RBFOX1: variants seen among roughly 807,000 people sequenced by gnomAD.
The protein encoded by RBFOX1 is RNA binding fox-1 homolog 1.
Under a neutral mutation model 57.7 loss-of-function variants are expected in RBFOX1, and 8 were observed. The observed-to-expected ratio is 0.14, with a 90% CI of 0.08 to 0.25. The LOEUF (loss-of-function observed/expected upper bound fraction) is 0.25, where lower values mean the gene tolerates loss of function less well. RBFOX1 is among the 10% of genes least tolerant of loss of function. The probability of loss-of-function intolerance (pLI) is 1.00; values close to 1 mark genes in which losing one functional copy is unlikely to be tolerated. For synonymous variants in RBFOX1, 326 were observed against 222.4 expected (o/e 1.47, Z -4.15); for missense variants, 611 against 548.5 (o/e 1.11, Z -1.14).
intron 3 of RBFOX1, among the ~76,000 whole-genome samples, chr16:6,811,837 C>T (rs1210841413): frequency 5.9e-5 from 9 of 151,974 alleles, no homozygotes; most frequent in African/African-American, 1.2e-4. Context: ...TACAGTGAGC[C>T]GAGATTGTGC....
intron 3 of RBFOX1, among the ~76,000 whole-genome samples, chr16:5,827,973 C>G (rs1033619166): frequency 7.1e-5 from 10 of 141,568 alleles, no homozygotes; most frequent in South Asian, 2.4e-4. Context: ...ATGCATCCAT[C>G]CATGCATTCC....
chr16:5,555,451 A>G (rs2045632264), intron 2 of RBFOX1, among the ~76,000 whole-genome samples: 1 of 151,748 alleles, frequency 6.6e-6, no homozygotes, highest in Middle Eastern at 3.4e-3. Context: ...CGGTTTCGCC[A>G]TCTTGACCAG....
intron 4 of RBFOX1, among the ~76,000 whole-genome samples, chr16:7,326,451 G>C (rs1418791669): frequency 6.6e-6 from 1 of 152,146 alleles, no homozygotes; most frequent in East Asian, 1.9e-4. Flanking sequence ...CATCTGTATG[G>C]GGTGTTGGTG....
At chr16:5,925,065 A>G (rs759718362) in intron 4 of RBFOX1, among the ~76,000 whole-genome samples, 5 of 152,134 alleles carry the variant, frequency 3.3e-5, no homozygotes, top group Non-Finnish European at 7.4e-5. Flanking sequence ...CTGGTCATCC[A>G]TACTTTCCCA....
At chr16:5,272,171 A>G (rs1412356751) in intron 1 of RBFOX1, among the ~76,000 whole-genome samples, 1 of 152,208 alleles carries the variant, frequency 6.6e-6, no homozygotes, top group Non-Finnish European at 1.5e-5. Context: ...CAGCGTGACT[A>G]TAGTCAATAA....
chr16:6,301,374 A>C (rs1599380472), intron 1 of RBFOX1, among the ~76,000 whole-genome samples: 1 of 152,084 alleles, frequency 6.6e-6, no homozygotes, highest in African/African-American at 2.4e-5. Flanking sequence ...ATTTTGCCTT[A>C]TTAGGATTAA....
chr16:5,378,777 C>G (rs148886573), intron 1 of RBFOX1, among the ~76,000 whole-genome samples: 2 of 151,718 alleles, frequency 1.3e-5, no homozygotes, highest in African/African-American at 4.9e-5. Flanking sequence ...ATGCTAATGC[C>G]CATCTCATCC....
At chr16:7,198,652 G>A (rs1291543054) in intron 4 of RBFOX1, among the ~76,000 whole-genome samples, 2 of 152,102 alleles carry the variant, frequency 1.3e-5, no homozygotes, top group African/African-American at 4.8e-5. Flanking sequence ...ATGGTGGAAG[G>A]GCAAGAGGGA....
At chr16:6,285,260 T>A (rs757603299) in intron 1 of RBFOX1, among the ~76,000 whole-genome samples, 4 of 152,174 alleles carry the variant, frequency 2.6e-5, no homozygotes, top group Non-Finnish European at 5.9e-5. Flanking sequence ...AGATTCTGCA[T>A]AAGCCTCCAT....
chr16:5,870,357 G>C (rs868436428), intron 4 of RBFOX1, among the ~76,000 whole-genome samples: 65 of 134,422 alleles, frequency 4.8e-4, no homozygotes, highest in African/African-American at 1.8e-3. Context: ...CATCTTACAG[G>C]TTGTAATTTG....
At chr16:6,283,608 G>C (rs572736453) in intron 1 of RBFOX1, among the ~76,000 whole-genome samples, 1 of 152,226 alleles carries the variant, frequency 6.6e-6, no homozygotes, top group East Asian at 1.9e-4. Context: ...AAATGGGAAA[G>C]GATGCCTAAC....
Position 7,699,934 on chromosome 16 carries a change from G to C in RBFOX1, c.996-9122G>C, listed in dbSNP as rs889761028. Among the ~76,000 whole-genome samples the C allele has an allele frequency of 4.6e-5, 7 of 152,094 alleles. No individual in the cohort carries two copies. In the East Asian group the frequency reaches 1.4e-3, roughly 29 times the overall value. The stretch of plus-strand genomic sequence containing the variant: ...GATGTTCACCAGGAGTTAAAATGTT[G>C]TGACAGATAATCTGGACATTGTCAG... On this transcript the variant is annotated intron_variant, in intron 14 of 15. Transcript: ENST00000550418.
intron 1 of RBFOX1, among the ~76,000 whole-genome samples, chr16:6,124,590 C>T (rs1338354447): frequency 1.3e-5 from 2 of 152,070 alleles, no homozygotes; most frequent in Non-Finnish European, 2.9e-5. Context: ...TAAACCTCCA[C>T]CTCCCAGGTT....
intron 2 of RBFOX1, among the ~76,000 whole-genome samples, chr16:6,526,612 C>T (rs570457326): frequency 3.3e-5 from 5 of 151,744 alleles, no homozygotes; most frequent in Non-Finnish European, 5.9e-5. Flanking sequence ...GGGCAGATCA[C>T]GAGGTCAGGA....
intron 4 of RBFOX1, among the ~76,000 whole-genome samples, chr16:5,993,284 T>C (rs1296898781): frequency 1.3e-5 from 2 of 152,114 alleles, no homozygotes; most frequent in African/African-American, 2.4e-5. Flanking sequence ...GTAGCATGTA[T>C]GTGAAAACCA....
chr16:6,866,465 T>C (rs748478505), intron 3 of RBFOX1, among the ~76,000 whole-genome samples: 1 of 148,900 alleles, frequency 6.7e-6, no homozygotes, highest in South Asian at 2.1e-4. Context: ...AAGCAAAAAA[T>C]ATATAATGCA....
intron 4 of RBFOX1, among the ~76,000 whole-genome samples, chr16:5,977,794 C>T (rs1167727971): frequency 6.6e-6 from 1 of 152,154 alleles, no homozygotes; most frequent in Admixed American, 6.5e-5. Context: ...TATTAAGAGA[C>T]ACCACCATCA....
intron 4 of RBFOX1, among the ~76,000 whole-genome samples, chr16:7,179,994 T>TA (rs1421410596): frequency 1.3e-5 from 2 of 152,042 alleles, no homozygotes; most frequent in African/African-American, 4.8e-5. Flanking sequence ...CTGCCCGCCT[T>TA]AGACCCCCAA....
At chr16:5,452,539 A>G (rs1015506991) in intron 1 of RBFOX1, among the ~76,000 whole-genome samples, 4 of 151,892 alleles carry the variant, frequency 2.6e-5, no homozygotes, top group African/African-American at 9.7e-5. Context: ...GTTAGCACCC[A>G]TTTCAACAAT....
Sources: gnomAD v4.1 joint callset for allele counts (sites outside exome capture counted in the v4.1 genomes callset) on GRCh38, gnomAD v4.1.1 for gene constraint, MANE v1.5 for transcripts, NCBI Gene and HGNC (gene_info 2026-07-23, HGNC 2026-07-21) for gene names.